The following NUP160 variants were observed in gnomAD, a reference collection of about 807,000 sequenced individuals.
NUP160 encodes the protein nuclear pore complex protein Nup160.
Under a neutral mutation model 196.9 loss-of-function variants are expected in NUP160, and 94 were observed. The ratio of observed to expected loss-of-function variants is 0.48; its 90% CI spans 0.40 to 0.57. NUP160 has a LOEUF of 0.57. Among genes scored for constraint, NUP160 ranks in the 20% least tolerant of loss-of-function variants. The pLI, the probability that NUP160 is intolerant of heterozygous loss-of-function variation, is 0.00. For synonymous variants in NUP160, 605 were observed against 619.7 expected (o/e 0.98, Z 0.35); for missense variants, 1,638 against 1,748.3 (o/e 0.94, Z 1.13).
Position 47,804,538 on chromosome 11 carries a change from A to G in NUP160, c.2676+11T>C, listed in dbSNP as rs11039402. ...AGAATGTGTAGACATGAAATGTTCA[A>G]AGGAACTCACCTGCAATTGTACATA... On this transcript the variant is annotated intron_variant, in intron 21 of 35. Coordinates refer to ENST00000378460, the Ensembl canonical transcript of NUP160. The G allele has an allele frequency of 2.4e-5, 36 of 1,518,322 alleles. No homozygotes were observed. The African/African-American group carries it at 4.7e-4, about 20-fold the overall frequency. 94.1% of individuals were successfully genotyped at this position (1,518,322 alleles called of 1,614,324 possible). A position where few individuals can be genotyped will look rare whatever the true frequency, so the allele number is the denominator to read the frequency against.
chr11:47,821,623 G>C (rs1851859219), intron 9 of NUP160, 101 bp downstream of exon 9: 5 of 828,182 alleles, frequency 6.0e-6, no homozygotes, highest in Non-Finnish European at 8.1e-6. Flanking sequence ...GCCTCTCAAA[G>C]TGTTAGGATT....
chr11:47,795,533 G>GAA (rs1297364089), intron 27 of NUP160, among the ~76,000 whole-genome samples: 1 of 152,046 alleles, frequency 6.6e-6, no homozygotes, highest in Non-Finnish European at 1.5e-5. Context: ...AAATCAGCAA[G>GAA]AAACCAAAGA....
intron 27 of NUP160, among the ~76,000 whole-genome samples, chr11:47,796,673 TGAATGAAGAAAAAA>T (rs2097671055): frequency 1.3e-5 from 2 of 152,174 alleles, no homozygotes; most frequent in African/African-American, 2.4e-5. Flanking sequence ...ATTAAAAAGT[TGAATGAAGAAAAAA>T]GAATTCACCA....
chr11:47,800,307 T>A (rs566612748), intron 23 of NUP160, among the ~76,000 whole-genome samples: 21 of 152,030 alleles, frequency 1.4e-4, no homozygotes, highest in African/African-American at 3.4e-4. Flanking sequence ...TACTTTTTTT[T>A]AATTTTGAGA....
At chr11:47,808,366 A>G (rs1449239358) in intron 18 of NUP160, 30 bp downstream of exon 18, 3 of 1,583,230 alleles carry the variant, frequency 1.9e-6, no homozygotes, top group Non-Finnish European at 2.6e-6. Context: ...CACAATTTAC[A>G]TTTTAAATAA....
At chr11:47,815,716 A>T in intron 12 of NUP160, 67 bp from the exon 13 acceptor site, 1 of 1,349,504 alleles carries the variant, frequency 7.4e-7, no homozygotes, top group South Asian at 1.4e-5. Flanking sequence ...CACAAAAAAC[A>T]TAATTGTCCA....
At chr11:47,829,078 A>G (rs1025231492) in intron 7 of NUP160, among the ~76,000 whole-genome samples, 1 of 152,200 alleles carries the variant, frequency 6.6e-6, no homozygotes, top group Admixed American at 6.5e-5. Flanking sequence ...AAAAGCAACA[A>G]AAGAAAAAAT....
chr11:47,778,894 C>G, exon 36 of NUP160: 2 of 449,410 alleles, frequency 4.5e-6, no homozygotes, highest in Admixed American at 7.9e-5. Flanking sequence ...TATTTGAGAC[C>G]AAGGTTGAAC....
At chr11:47,790,320 C>T (rs565754592) in intron 29 of NUP160, among the ~76,000 whole-genome samples, 24 of 152,100 alleles carry the variant, frequency 1.6e-4, no homozygotes, top group Middle Eastern at 3.4e-3. Flanking sequence ...AGTGCAGTGG[C>T]GCGATCTCAG....
At chr11:47,835,780 C>A in exon 7 of NUP160, 1 of 1,597,290 alleles carries the variant, frequency 6.3e-7, no homozygotes, top group South Asian at 1.1e-5. Context: ...CATACTCCAG[C>A]ATGTCAGCTA....
chr11:47,812,044 T>C lies in NUP160; in HGVS notation c.2241+20A>G. On this transcript the variant is annotated intron_variant, in intron 17 of 35. Transcript: ENST00000378460. ...TAACAGGTTTTAGATTTTACAAGTT[T>C]TCCCTCAAGCAGTACTTACAGCATC... 6.2e-7 allele frequency: 1 copy of C among 1,612,864 alleles called. No homozygotes were observed.
In NUP160 at chr11:47,819,435, G is replaced by A. The variant is rs371179679; in HGVS notation, c.1301C>T (p.Pro434Leu). The A allele has an allele frequency of 1.2e-5, 19 of 1,613,220 alleles. No individual in the cohort carries two copies. In the African/African-American group the frequency reaches 2.0e-4, roughly 17 times the overall value. ...CTCTGGCAGAGGCTGCATAAAAACT[G>A]GATTCCACTGACCTGCAACATTACT... is the stretch of plus-strand genomic sequence containing the variant. The change falls in exon 10 of 36, where the codon CCA (proline) becomes CTA (leucine). Residue 434 changes from proline (P) to leucine (L), a missense_variant. Physicochemically the swap from Pro to Leu is moderately conservative, Grantham distance 98. Around this residue, in one of 3 missense-constraint regions of NUP160, gnomAD observed 1,345 missense variants for 1,470.2 expected, o/e 0.91. Coordinates refer to ENST00000378460, the Ensembl canonical transcript of NUP160.
intron 7 of NUP160, among the ~76,000 whole-genome samples, chr11:47,828,756 C>T (rs962174863): frequency 1.3e-5 from 2 of 152,128 alleles, no homozygotes; most frequent in Non-Finnish European, 2.9e-5. Flanking sequence ...ATCAATGGAA[C>T]AGAATTGAGA....
chr11:47,847,638 T>C (rs1456173263), intron 2 of NUP160, among the ~76,000 whole-genome samples: 1 of 30,464 alleles, frequency 3.3e-5, no homozygotes, highest in African/African-American at 9.0e-5. Flanking sequence ...GGTGTATGTG[T>C]GTGTGGGGGT....
intron 22 of NUP160, among the ~76,000 whole-genome samples, chr11:47,802,335 G>A (rs2097674664): frequency 6.6e-6 from 1 of 152,102 alleles, no homozygotes; most frequent in African/African-American, 2.4e-5. Flanking sequence ...GGAGGCTGAG[G>A]CAGCAGAATC....
In NUP160 at chr11:47,786,447, T is replaced by C. The variant is rs2097664565; in HGVS notation, c.3848+6A>G. The stretch of plus-strand genomic sequence containing the variant: ...AACTACCCAGGGTTGAACACCAGGG[T>C]TGTACCTAGACTCCTTAGTAGTGAT... On this transcript the variant is annotated splice_donor_region_variant and intron_variant, in intron 32 of 35. Coordinates refer to ENST00000378460, the Ensembl canonical transcript of NUP160. The C allele has an allele frequency of 6.3e-7, 1 of 1,597,266 alleles. No homozygotes were observed. Among genetic ancestry groups the C allele is most frequent in the Non-Finnish European group, 8.6e-7 (1 of 1,164,860 alleles).
At chr11:47,810,862 G>C (rs1485288278) in intron 17 of NUP160, among the ~76,000 whole-genome samples, 1 of 151,952 alleles carries the variant, frequency 6.6e-6, no homozygotes, top group Non-Finnish European at 1.5e-5. Context: ...AATACATTCT[G>C]ACTTAAAATG....
rs1386862877 is a variant in NUP160, at chr11:47,823,153, A to T, written c.1102-989T>A. On this transcript the variant is annotated intron_variant, in intron 7 of 35. Transcript: ENST00000378460. ...ATCCCTGAAAGTATAGTCTTCAAAA[A>T]TTTTTTCTTTTTCACCCACACAGGC... Among the ~76,000 whole-genome samples, 8 of 152,268 alleles carry T rather than the reference A, an allele frequency of 5.3e-5. 1 individual carries two copies. The East Asian group carries it at 1.2e-3, about 22-fold the overall frequency.
At chr11:47,823,646 T>G in intron 7 of NUP160, among the ~76,000 whole-genome samples, 1 of 152,114 alleles carries the variant, frequency 6.6e-6, no homozygotes, top group East Asian at 1.9e-4. Context: ...GCCATTCTCC[T>G]GCCTCAGCCT....
Sources: allele counts gnomAD v4.1 joint callset (sites outside exome capture counted in the v4.1 genomes callset), GRCh38; gene constraint gnomAD v4.1.1; regional missense constraint gnomAD v4.1.1; transcripts MANE v1.5; gene names NCBI Gene and HGNC (gene_info 2026-07-23, HGNC 2026-07-21).